The following CKM variants were observed in gnomAD, a reference collection of about 807,000 sequenced individuals.
CKM encodes the protein creatine kinase, M-type.
In CKM, 28 loss-of-function variants were observed where a neutral mutation model predicts 35.4. The observed-to-expected ratio is 0.79, with a 90% CI of 0.59 to 1.08. The LOEUF (loss-of-function observed/expected upper bound fraction) is 1.08, where lower values mean the gene tolerates loss of function less well. Among genes scored for constraint, CKM ranks in the 50% least tolerant of loss-of-function variants. The pLI is 0.00. For missense variants in CKM, 484 were observed against 509.8 expected (o/e 0.95, Z 0.49); for synonymous variants, 215 against 204.4 (o/e 1.05, Z -0.44).
chr19:45,319,793 TTC>T, intron 1 of CKM, 62 bp from the exon 2 acceptor site: 16 of 1,386,566 alleles, frequency 1.2e-5, no homozygotes, highest in Non-Finnish European at 1.5e-5. Flanking sequence ...CTTCTTCTTC[TTC>T]TTTTTTTTTT....
rs554506651 is a variant in CKM, at chr19:45,306,908, C to T, written c.988G>A (p.Val330Met). Residue 330 changes from valine (V) to methionine (M), a missense_variant, in exon 8 of 8, where the codon GTG becomes ATG. Val to Met is a conservative substitution (Grantham distance 21). Transcript: ENST00000221476. The surrounding 1 kb of genome is among the most constrained non-coding windows in gnomAD (Gnocchi z 4.5). The part of the protein sequence containing the change: ...RGTGGVDTAA[V>M]GSVFDVSNAD... ...TTGGACACGTCAAATACTGAGCCCACGGCAGCTGTGTCCACGCCACCTGTG... is the reference window on the plus strand; with the variant it reads ...TTGGACACGTCAAATACTGAGCCCATGGCAGCTGTGTCCACGCCACCTGTG... 3.7e-5 allele frequency: 59 copies of T among 1,613,984 alleles called. No homozygotes were observed. The East Asian group carries it at 5.1e-4, about 14-fold the overall frequency.
At chr19:45,318,972 A>G (rs780686277) in intron 2 of CKM, among the ~76,000 whole-genome samples, 21 of 151,394 alleles carry the variant, frequency 1.4e-4, no homozygotes, top group Non-Finnish European at 2.4e-4. Flanking sequence ...CTCCCACCGC[A>G]GCCTCCTGAG....
Position 45,315,615 on chromosome 19 carries a change from G to A in CKM, c.349-18C>T. On this transcript the variant is annotated intron_variant, in intron 3 of 7. Transcript: ENST00000221476. Reference sequence around the variant, plus strand: ...TCTCCACCCTGGAGAGCGGGTGGGAGATCAGGACCAGGCAGATCCTCCGCC... The same window carrying A: ...TCTCCACCCTGGAGAGCGGGTGGGAAATCAGGACCAGGCAGATCCTCCGCC... 6.2e-7 allele frequency: 1 copy of A among 1,602,070 alleles called. No homozygotes were observed. The highest frequency in any genetic ancestry group is 8.5e-7 in the Non-Finnish European group (1 of 1,179,852).
chr19:45,315,210 C>T (rs1176698462), intron 4 of CKM, among the ~76,000 whole-genome samples: 7 of 152,198 alleles, frequency 4.6e-5, no homozygotes, highest in East Asian at 1.9e-4. Flanking sequence ...GCTGGATGAA[C>T]GGATGGCAGG....
chr19:45,319,021 A>AT (rs1036262486), intron 2 of CKM, among the ~76,000 whole-genome samples: 2 of 151,720 alleles, frequency 1.3e-5, no homozygotes, highest in African/African-American at 4.8e-5. Flanking sequence ...CACTTGGCTA[A>AT]TTTTTTTGTA....
rs774709360 is a variant in CKM, at chr19:45,307,649, A to G, written c.779T>C (p.Ile260Thr). 3 of 1,613,216 alleles carry G rather than the reference A, an allele frequency of 1.9e-6. No homozygotes were observed. The highest frequency in any genetic ancestry group is 1.7e-5 in the Admixed American group (1 of 60,004). ...FRRFCVGLQK[I>T]EEIFKKAGHP... ...GCCAGCTTTCTTAAAGATCTCCTCA[A>G]TCTGAGGTTCAGAGAGAGGACCAGG... is the stretch of plus-strand genomic sequence containing the variant. Residue 260 changes from isoleucine to threonine, a missense_variant and splice_region_variant, in exon 7 of 8, where the codon ATT (isoleucine) becomes ACT (threonine). Physicochemically the swap from Ile to Thr is moderately conservative, Grantham distance 89. Transcript: ENST00000221476.
At chr19:45,312,013 G>T (rs1034105957) in intron 4 of CKM, 93 bp from the exon 5 acceptor site, 3 of 1,459,992 alleles carry the variant, frequency 2.1e-6, no homozygotes, top group African/African-American at 1.4e-5. Context: ...CTCCTAACGG[G>T]CCTGGGCCTT....
At chr19:45,311,679 T>C in intron 5 of CKM, 70 bp downstream of exon 5, 2 of 1,335,064 alleles carry the variant, frequency 1.5e-6, no homozygotes, top group Non-Finnish European at 2.0e-6. Flanking sequence ...GGTGGAGGAG[T>C]GAGGAGGGCC....
chr19:45,307,722 G>A, intron 6 of CKM, 72 bp from the exon 7 acceptor site: 1 of 1,306,392 alleles, frequency 7.7e-7, no homozygotes, highest in Admixed American at 1.8e-5. Flanking sequence ...CATGGACAGG[G>A]TCCGGAGGGA....
chr19:45,318,074 G>T, intron 2 of CKM, 95 bp from the exon 3 acceptor site: 1 of 1,030,878 alleles, frequency 9.7e-7, no homozygotes. Flanking sequence ...ATGTGTGTCG[G>T]GATGGGGGCG....
At chr19:45,312,648 A>G (rs1013052943) in intron 4 of CKM, among the ~76,000 whole-genome samples, 7 of 151,098 alleles carry the variant, frequency 4.6e-5, no homozygotes, top group East Asian at 3.9e-4. Context: ...CAAGACCCCA[A>G]TCTTTAAAAA....
chr19:45,319,809 G>C, intron 1 of CKM, 78 bp from the exon 2 acceptor site: 1 of 1,094,080 alleles, frequency 9.1e-7, no homozygotes, highest in Non-Finnish European at 1.3e-6. Context: ...TTTTTTTTTT[G>C]AGACGGAGTC....
Position 45,313,796 on chromosome 19 carries a change from A to G in CKM, c.481+1669T>C, listed in dbSNP as rs1971131664. 2.6e-5 allele frequency among the ~76,000 whole-genome samples: 4 copies of G among 152,318 alleles called. No individual in the cohort carries two copies. The South Asian group carries it at 8.3e-4, about 32-fold the overall frequency. ...ACGAGGTGGAGGTAACAGTAAGCCA[A>G]GATTGCACCACTGCACTCCAGCCTG... On this transcript the variant is annotated intron_variant, in intron 4 of 7. Transcript: ENST00000221476.
Position 45,306,738 on chromosome 19 carries a change from GT to G in CKM, c.*11del. 6.2e-7 allele frequency: 1 copy of G among 1,613,946 alleles called. No individual in the cohort carries two copies. Among genetic ancestry groups the G allele is most frequent in the Non-Finnish European group, 8.5e-7 (1 of 1,179,992 alleles). On this transcript the variant is annotated 3_prime_UTR_variant, in exon 8 of 8. Transcript: ENST00000221476. This position sits in a 1 kb window ranked among gnomAD's most constrained non-coding sequence, Gnocchi z 4.5. Reference sequence around the variant, plus strand: ...GCTGGGTTCCAGCAGTCGGTGGCAGGTGGGCAGGCGCCTACTTCTGGGCGGG... The same window carrying G: ...GCTGGGTTCCAGCAGTCGGTGGCAGGGGGCAGGCGCCTACTTCTGGGCGGG...
At chr19:45,315,883 G>A (rs1212597713) in intron 3 of CKM, among the ~76,000 whole-genome samples, 13 of 126,376 alleles carry the variant, frequency 1.0e-4, no homozygotes, top group East Asian at 2.2e-4. Flanking sequence ...TCTCTCTGTC[G>A]CCCAGGCTGG....
chr19:45,318,692 T>G (rs1246796008), intron 2 of CKM, among the ~76,000 whole-genome samples: 1 of 152,026 alleles, frequency 6.6e-6, no homozygotes, highest in Non-Finnish European at 1.5e-5. Flanking sequence ...TGAAAGACCC[T>G]CTTGTTTCCC....
chr19:45,311,868 G>C lies in CKM; in HGVS notation c.534C>G (p.Ser178Arg). The change falls in exon 5 of 8, where the codon AGC becomes AGG. Residue 178 changes from serine to arginine, a missense_variant. By Grantham distance (110) the Ser-to-Arg change is moderately radical (BLOSUM62 -1). Coordinates refer to ENST00000221476, the MANE Select transcript of CKM (RefSeq NM_001824.5). Reference sequence around the variant, plus strand: ...GCTGCTGCTGCTCCTTCTCCGTCATGCTCTTCAGAGGGTAGTACTTCCCTT... The same window carrying C: ...GCTGCTGCTGCTCCTTCTCCGTCATCCTCTTCAGAGGGTAGTACTTCCCTT... Reference protein sequence around the residue: ...EFKGKYYPLKSMTEKEQQQLI... With the variant: ...EFKGKYYPLKRMTEKEQQQLI... The C allele has an allele frequency of 6.2e-7, 1 of 1,613,978 alleles. No individual in the cohort carries two copies. The highest frequency in any genetic ancestry group is 8.5e-7 in the Non-Finnish European group (1 of 1,179,942).
At position 45,311,927 on chromosome 19, in the gene CKM, G is replaced by A; in HGVS notation, c.482-7C>T. 6.2e-7 allele frequency: 1 copy of A among 1,613,674 alleles called. No homozygotes were observed. Among genetic ancestry groups the A allele is most frequent in the East Asian group, 2.2e-5 (1 of 44,884 alleles). On this transcript the variant is annotated splice_region_variant and splice_polypyrimidine_tract_variant and intron_variant, in intron 4 of 7. Coordinates refer to ENST00000221476, the MANE Select transcript of CKM (RefSeq NM_001824.5). Reference sequence around the variant, plus strand: ...CCCGTCAGGCTGTTGAGAGCTATGGGGACACACGAGGGAGTGGTCAGCAGC... The same window carrying A: ...CCCGTCAGGCTGTTGAGAGCTATGGAGACACACGAGGGAGTGGTCAGCAGC...
At chr19:45,308,054 G>T (rs1971071372) in intron 6 of CKM, among the ~76,000 whole-genome samples, 1 of 151,944 alleles carries the variant, frequency 6.6e-6, no homozygotes, top group African/African-American at 2.4e-5. Flanking sequence ...TAATTTTTTA[G>T]TATAGAGACG....
Sources: gnomAD v4.1 joint callset for allele counts (sites outside exome capture counted in the v4.1 genomes callset) on GRCh38, gnomAD v4.1.1 for gene constraint, Gnocchi (gnomAD v3.1) non-coding constraint, MANE v1.5 for transcripts, NCBI Gene and HGNC (gene_info 2026-07-23, HGNC 2026-07-21) for gene names.